CFDP1: variants seen among roughly 807,000 people sequenced by gnomAD.
CFDP1 encodes the protein heterochromatin-stabilizing protein CFDP1.
In CFDP1, 31 loss-of-function variants were observed where a neutral mutation model predicts 40.1. The observed-to-expected ratio is 0.77, with a 90% CI of 0.58 to 1.04. The LOEUF (loss-of-function observed/expected upper bound fraction) is 1.04. Ranked by LOEUF, CFDP1 falls within the 50% of genes least tolerant of loss-of-function variation. CFDP1 has a pLI of 0.00. For synonymous variants in CFDP1, 167 were observed against 120.0 expected, an observed-to-expected ratio of 1.39 and a Z score of -2.56; for missense variants, 423 against 343.4, an observed-to-expected ratio of 1.23 and a Z score of -1.83.
chr16:75,339,349 CT>C (rs2078510836), intron 5 of CFDP1, among the ~76,000 whole-genome samples: 1 of 152,082 alleles, frequency 6.6e-6, no homozygotes, highest in African/African-American at 2.4e-5. Flanking sequence ...AAAAATCATT[CT>C]TTTTTCTTAT....
intron 5 of CFDP1, among the ~76,000 whole-genome samples, chr16:75,359,283 C>A (rs1159812383): frequency 4.6e-5 from 7 of 151,964 alleles, no homozygotes; most frequent in African/African-American, 1.5e-4. Context: ...TTTTGAAGAG[C>A]GTAAAGAGGT....
At position 75,356,662 on chromosome 16, in the gene CFDP1, T is replaced by C. The variant is rs2078645538; in HGVS notation, c.650+38428A>G. Among the ~76,000 whole-genome samples, 7 of 152,280 alleles carry C rather than the reference T, an allele frequency of 4.6e-5. No homozygotes were observed. In the South Asian group the frequency reaches 1.4e-3, roughly 32 times the overall value. Reference sequence around the variant, plus strand: ...TCACTCGAAATTTTGAAGCCAAGCATTGACTTCTCCTTCCGAGCTAACTGA... The same window carrying C: ...TCACTCGAAATTTTGAAGCCAAGCACTGACTTCTCCTTCCGAGCTAACTGA... On this transcript the variant is annotated intron_variant, in intron 5 of 6. Coordinates refer to ENST00000283882, the MANE Select transcript of CFDP1 (RefSeq NM_006324.3).
chr16:75,371,968 G>A (rs1440912716), intron 5 of CFDP1, among the ~76,000 whole-genome samples: 1 of 152,120 alleles, frequency 6.6e-6, no homozygotes, highest in East Asian at 1.9e-4. Flanking sequence ...GTCCTTCTGT[G>A]CCAGGAACTG....
intron 2 of CFDP1, among the ~76,000 whole-genome samples, chr16:75,413,943 A>C (rs1447217100): frequency 6.6e-6 from 1 of 152,178 alleles, no homozygotes; most frequent in Non-Finnish European, 1.5e-5. Flanking sequence ...ATATTTATAC[A>C]TGTATACATT....
At chr16:75,323,542 A>T (rs759580841) in intron 5 of CFDP1, among the ~76,000 whole-genome samples, 7 of 152,058 alleles carry the variant, frequency 4.6e-5, no homozygotes, top group Non-Finnish European at 1.0e-4. Context: ...GCACTTGTGA[A>T]GGCCGAGGCA....
chr16:75,318,058 T>C (rs1156422659), intron 5 of CFDP1, among the ~76,000 whole-genome samples: 1 of 151,898 alleles, frequency 6.6e-6, no homozygotes, highest in Non-Finnish European at 1.5e-5. Flanking sequence ...GAGGCAGAGG[T>C]TGCAGTGTGC....
chr16:75,316,569 TAAAAAAA>T (rs780200659), intron 5 of CFDP1, among the ~76,000 whole-genome samples: 2 of 26,578 alleles, frequency 7.5e-5, no homozygotes, highest in Non-Finnish European at 1.6e-4. Flanking sequence ...AGACCCTGTC[TAAAAAAA>T]AAAAAAAAAA....
At chr16:75,307,360 C>T (rs1166489948) in intron 5 of CFDP1, among the ~76,000 whole-genome samples, 4 of 151,988 alleles carry the variant, frequency 2.6e-5, no homozygotes, top group Admixed American at 2.6e-4. Flanking sequence ...GGATTACAGG[C>T]GCCTGCCACC....
Position 75,397,203 on chromosome 16 carries a change from T to C in CFDP1, c.531-1994A>G, listed in dbSNP as rs370266235. On this transcript the variant is annotated intron_variant, in intron 4 of 6. Transcript: ENST00000283882. ...TGCTGGGATTACAGGCGTGAGCCAC[T>C]GCGCCCAGCGTTTTTTTGTTTTAAA... Among the ~76,000 whole-genome samples the C allele has an allele frequency of 3.2e-4, 48 of 150,436 alleles. No individual in the cohort carries two copies. In the South Asian group the frequency reaches 3.7e-3, roughly 12 times the overall value.
chr16:75,363,408 TTC>T (rs1158775816), intron 5 of CFDP1, among the ~76,000 whole-genome samples: 16 of 151,742 alleles, frequency 1.1e-4, no homozygotes, highest in African/African-American at 3.9e-4. Context: ...TTTTTTTTTT[TTC>T]CATGAGATGG....
rs1228091253 is a variant in CFDP1 at position 75,396,322 on chromosome 16, G to A, written c.531-1113C>T. The stretch of plus-strand genomic sequence containing the variant: ...TGGGAGGCCAAGGCAGGCGGACCAC[G>A]AAGTCATGAGTTTGAGACCAGCCTG... On this transcript the variant is annotated intron_variant, in intron 4 of 6. Transcript: ENST00000283882. Among the ~76,000 whole-genome samples the A allele has an allele frequency of 1.9e-5, 2 of 104,236 alleles. 1 individual carries two copies. 68.4% of individuals were successfully genotyped at this position (104,236 alleles called of 152,430 possible).
In CFDP1 at chr16:75,337,403, C is replaced by T. The variant is rs527759885; in HGVS notation, c.651-32221G>A. 3.3e-5 allele frequency among the ~76,000 whole-genome samples: 5 copies of T among 152,340 alleles called. No homozygotes were observed. In the East Asian group the frequency reaches 5.8e-4, roughly 18 times the overall value. ...AGCCAAACACAGAGCTACTTTGAGG[C>T]GCAGGCCATTAGGCTTTACTGACCT... is the stretch of plus-strand genomic sequence containing the variant. On this transcript the variant is annotated intron_variant, in intron 5 of 6. Coordinates refer to ENST00000283882, the MANE Select transcript of CFDP1 (RefSeq NM_006324.3).
At chr16:75,412,818 C>G in intron 2 of CFDP1, 64 bp from the exon 3 acceptor site, 2 of 1,292,638 alleles carry the variant, frequency 1.5e-6, no homozygotes, top group Middle Eastern at 2.0e-4. Flanking sequence ...TATCCCTCTC[C>G]CAATCCCAAA....
chr16:75,377,487 TTGAA>T (rs1364862033), intron 5 of CFDP1, among the ~76,000 whole-genome samples: 4 of 152,240 alleles, frequency 2.6e-5, no homozygotes, highest in Non-Finnish European at 5.9e-5. Flanking sequence ...CAACTCTTTC[TTGAA>T]TATTTCCAAT....
chr16:75,412,186 T>G (rs1167974319), intron 3 of CFDP1, among the ~76,000 whole-genome samples: 1 of 152,052 alleles, frequency 6.6e-6, no homozygotes, highest in African/African-American at 2.4e-5. Context: ...ACCCAGCTAA[T>G]TTTTGTATTT....
intron 4 of CFDP1, 62 bp from the exon 5 acceptor site, chr16:75,395,271 A>G: frequency 6.5e-7 from 1 of 1,548,814 alleles, no homozygotes; most frequent in Non-Finnish European, 8.8e-7. Context: ...ACAAGCTAGA[A>G]AAGGGAATAA....
rs184648783 is a variant in CFDP1, at chr16:75,391,274, G to C, written c.650+3816C>G. The C allele has an allele frequency of 3.1e-3, 477 of 152,080 alleles. 2 individuals carry two copies. Among genetic ancestry groups the C allele is most frequent in the African/African-American group, 0.011 (463 of 41,350 alleles). 9.4% of individuals were successfully genotyped at this position (152,080 alleles called of 1,614,324 possible). On this transcript the variant is annotated intron_variant, in intron 5 of 6. Coordinates refer to ENST00000283882, the MANE Select transcript of CFDP1 (RefSeq NM_006324.3). ...TAGCTGAAACTAACCAGAAACCTAA[G>C]AAGAGCTTCTTTGCCTTTATTTCCA...
intron 4 of CFDP1, among the ~76,000 whole-genome samples, chr16:75,407,104 G>A (rs980753992): frequency 2.0e-5 from 3 of 152,076 alleles, no homozygotes; most frequent in South Asian, 4.1e-4. Context: ...TGTGGTGGGA[G>A]GCTGACGTGG....
At chr16:75,351,741 C>T (rs2078612756) in intron 5 of CFDP1, among the ~76,000 whole-genome samples, 1 of 152,124 alleles carries the variant, frequency 6.6e-6, no homozygotes, top group African/African-American at 2.4e-5. Flanking sequence ...AGTGTGGTGG[C>T]TCACGCCTGT....
Sources: allele counts gnomAD v4.1 joint callset (sites outside exome capture counted in the v4.1 genomes callset), GRCh38; gene constraint gnomAD v4.1.1; transcripts MANE v1.5; gene names NCBI Gene and HGNC (gene_info 2026-07-23, HGNC 2026-07-21).